Variants in C12orf56 observed in about 807,000 individuals in gnomAD.
C12orf56 encodes uncharacterized protein C12orf56.
In C12orf56, 71 loss-of-function variants were observed where a neutral mutation model predicts 69.9. The ratio of observed to expected loss-of-function variants is 1.02; its 90% CI spans 0.84 to 1.24. C12orf56 has a LOEUF of 1.24. C12orf56 is among the 50% of genes most tolerant of loss of function. The probability of loss-of-function intolerance (pLI) is 0.00; values close to 1 mark genes in which losing one functional copy is unlikely to be tolerated. For synonymous variants in C12orf56, 276 were observed against 274.1 expected (o/e 1.01, Z -0.07); for missense variants, 732 against 738.5 (o/e 0.99, Z 0.10).
At chr12:64,371,838 A>G (rs2039574378) in intron 1 of C12orf56, among the ~76,000 whole-genome samples, 1 of 151,954 alleles carries the variant, frequency 6.6e-6, no homozygotes, top group African/African-American at 2.4e-5. Flanking sequence ...TCAAATAAAA[A>G]CATAATAATA....
chr12:64,347,910 C>T (rs1027077658), intron 2 of C12orf56, among the ~76,000 whole-genome samples: 1 of 152,110 alleles, frequency 6.6e-6, no homozygotes, highest in Non-Finnish European at 1.5e-5. Flanking sequence ...AAAATTTGAA[C>T]AAGTTGTGGA....
rs1260235009 is a variant in C12orf56 at position 64,380,223 on chromosome 12, C to T, written c.252+10091G>A. ...ACAAAGAAGCGTGTAGAGAGCTAAACATGAGCATCATGAGACCTATAAGAT... is the reference window on the plus strand; with the variant it reads ...ACAAAGAAGCGTGTAGAGAGCTAAATATGAGCATCATGAGACCTATAAGAT... On this transcript the variant is annotated intron_variant, in intron 1 of 12. Coordinates refer to ENST00000543942, the MANE Select transcript of C12orf56 (RefSeq NM_001170633.2). Among the ~76,000 whole-genome samples, 3 of 147,424 alleles carry T rather than the reference C, an allele frequency of 2.0e-5. No homozygotes were observed. The East Asian group carries it at 6.1e-4, about 30-fold the overall frequency.
Position 64,318,852 on chromosome 12 carries a change from T to A in C12orf56, c.617A>T (p.Gln206Leu), listed in dbSNP as rs927412919. The A allele has an allele frequency of 6.5e-6, 10 of 1,537,208 alleles. No individual in the cohort carries two copies. The highest frequency in any genetic ancestry group is 8.7e-6 in the Non-Finnish European group (10 of 1,146,894). ...AGCCTTGCCAGTTGTTGGTGCAGAC[T>A]GAGAGCTCCTCCTGGAGGGGGAAGG... The part of the protein sequence containing the change: ...PLPSPSRRSS[Q>L]SAPTTGKAVS... Residue 206 changes from glutamine (Q) to leucine (L), a missense_variant, in exon 4 of 13, where the codon CAG (glutamine) becomes CTG (leucine). Transcript: ENST00000543942.
chr12:64,307,129 T>A (rs1235923755), intron 5 of C12orf56, among the ~76,000 whole-genome samples: 2 of 152,126 alleles, frequency 1.3e-5, no homozygotes, highest in Non-Finnish European at 2.9e-5. Flanking sequence ...AGCTTTAAAA[T>A]CACTTTAAAT....
chr12:64,305,631 C>A (rs1019318239), intron 5 of C12orf56, among the ~76,000 whole-genome samples: 8 of 152,166 alleles, frequency 5.3e-5, no homozygotes, highest in Non-Finnish European at 7.4e-5. Flanking sequence ...AATCCACCCA[C>A]CTCTGCCTCC....
intron 3 of C12orf56, among the ~76,000 whole-genome samples, chr12:64,321,794 GTTCTA>G (rs2038777239): frequency 6.6e-6 from 1 of 152,040 alleles, no homozygotes; most frequent in South Asian, 2.1e-4. Context: ...TTGGCATTAA[GTTCTA>G]AGTATCTTTT....
At chr12:64,317,617 G>A (rs143657393) in intron 4 of C12orf56, among the ~76,000 whole-genome samples, 5 of 152,076 alleles carry the variant, frequency 3.3e-5, no homozygotes, top group East Asian at 1.9e-4. Context: ...AAAATTAGCC[G>A]GGCGTGGTGG....
intron 1 of C12orf56, among the ~76,000 whole-genome samples, chr12:64,382,866 G>GT (rs1336619629): frequency 2.1e-5 from 1 of 48,494 alleles, no homozygotes; most frequent in African/African-American, 6.4e-5. Flanking sequence ...GTGAGACTCC[G>GT]TTTCAAAAAA....
At chr12:64,339,986 A>G (rs1033128013) in intron 2 of C12orf56, among the ~76,000 whole-genome samples, 3 of 149,806 alleles carry the variant, frequency 2.0e-5, no homozygotes, top group Non-Finnish European at 4.4e-5. Flanking sequence ...ATATATGGAC[A>G]TTTATACAGA....
At chr12:64,297,181 C>T (rs545604918) in intron 6 of C12orf56, among the ~76,000 whole-genome samples, 1 of 151,978 alleles carries the variant, frequency 6.6e-6, no homozygotes, top group Non-Finnish European at 1.5e-5. Context: ...GCTATGATAA[C>T]AATTTAAATA....
At chr12:64,295,125 C>T (rs2136787473) in intron 6 of C12orf56, among the ~76,000 whole-genome samples, 1 of 152,216 alleles carries the variant, frequency 6.6e-6, no homozygotes, top group South Asian at 2.1e-4. Context: ...TCAGGTGAGC[C>T]ACTCGCCTTG....
chr12:64,348,860 T>C (rs188926990), intron 2 of C12orf56, among the ~76,000 whole-genome samples: 3 of 152,206 alleles, frequency 2.0e-5, no homozygotes, highest in Admixed American at 6.5e-5. Flanking sequence ...AAATTCAGGT[T>C]TCTGATAACT....
chr12:64,340,255 T>C (rs1257098744), intron 2 of C12orf56, among the ~76,000 whole-genome samples: 4 of 152,122 alleles, frequency 2.6e-5, no homozygotes, highest in Non-Finnish European at 5.9e-5. Context: ...TGGCAGATGA[T>C]AAGATTGTGC....
At chr12:64,354,425 C>T (rs966470704) in intron 1 of C12orf56, among the ~76,000 whole-genome samples, 1 of 152,046 alleles carries the variant, frequency 6.6e-6, no homozygotes, top group Non-Finnish European at 1.5e-5. Flanking sequence ...ACCACTATAA[C>T]CCACTCTGAG....
At chr12:64,347,961 T>G (rs2039169343) in intron 2 of C12orf56, among the ~76,000 whole-genome samples, 1 of 152,174 alleles carries the variant, frequency 6.6e-6, no homozygotes, top group Admixed American at 6.6e-5. Context: ...ATTCTGTGTG[T>G]GAACAGATTA....
intron 6 of C12orf56, among the ~76,000 whole-genome samples, chr12:64,297,824 T>G (rs554735648): frequency 2.4e-4 from 37 of 152,318 alleles, no homozygotes; most frequent in African/African-American, 8.4e-4. Context: ...TTTGCTATTG[T>G]GAATAGTGCT....
intron 4 of C12orf56, among the ~76,000 whole-genome samples, chr12:64,317,491 T>C (rs1485746440): frequency 7.9e-5 from 12 of 152,336 alleles, no homozygotes; most frequent in Non-Finnish European, 1.0e-4. Context: ...CCAGGCGTGG[T>C]GGCTCACGCC....
At chr12:64,388,691 C>T (rs2039826188) in intron 1 of C12orf56, among the ~76,000 whole-genome samples, 1 of 151,754 alleles carries the variant, frequency 6.6e-6, no homozygotes, top group African/African-American at 2.4e-5. Flanking sequence ...CCTGTCTCTA[C>T]AAAAAAAAAT....
rs372480615 is a variant in C12orf56 at position 64,330,986 on chromosome 12, G to A, written c.462C>T (p.Ser154=). The change falls in exon 3 of 13, where the codon TCC becomes TCT. Residue 154 remains serine, a synonymous_variant. Transcript: ENST00000543942. ...NGLAFWRSKE[S]RSLKESPLRD... ...TGAGAGGAGATTCTTTCAGACTTCT[G>A]GACTCTTTGCTTCTCCAAAAGGCAA... 108 of 1,556,752 alleles carry A rather than the reference G, an allele frequency of 6.9e-5. No homozygotes were observed. The African/African-American group carries it at 1.4e-3, about 20-fold the overall frequency.
Sources: allele counts gnomAD v4.1 joint callset (sites outside exome capture counted in the v4.1 genomes callset), GRCh38; gene constraint gnomAD v4.1.1; transcripts MANE v1.5; gene names NCBI Gene and HGNC (gene_info 2026-07-23, HGNC 2026-07-21).